CFAP69: variants seen among roughly 807,000 people sequenced by gnomAD.
CFAP69 encodes the protein cilia- and flagella-associated protein 69.
In CFAP69, 92 loss-of-function variants were observed where a neutral mutation model predicts 123.0. The observed-to-expected ratio is 0.75, with a 90% CI of 0.63 to 0.89. The LOEUF (loss-of-function observed/expected upper bound fraction) is 0.89, where lower values mean the gene tolerates loss of function less well. CFAP69 is among the 40% of genes least tolerant of loss of function. CFAP69 has a pLI of 0.00. For missense variants in CFAP69, 1,067 were observed against 1,096.9 expected (o/e 0.97, Z 0.39); for synonymous variants, 380 against 364.3 (o/e 1.04, Z -0.49).
chr7:90,246,759 T>C (rs901976272), intron 1 of CFAP69, among the ~76,000 whole-genome samples: 4 of 151,868 alleles, frequency 2.6e-5, no homozygotes, highest in African/African-American at 9.7e-5. Context: ...GCTCTCAGTC[T>C]TCCTTTACTT....
At chr7:90,304,460 C>T in intron 18 of CFAP69, 1 of 1,220,074 alleles carries the variant, frequency 8.2e-7, no homozygotes. Flanking sequence ...ATCAAACACT[C>T]TTCAGCTTCT....
intron 1 of CFAP69, among the ~76,000 whole-genome samples, chr7:90,248,881 G>T (rs543429754): frequency 6.6e-6 from 1 of 152,088 alleles, no homozygotes; most frequent in Non-Finnish European, 1.5e-5. Context: ...ATCTGTAAAA[G>T]ATATTTTTAG....
Position 90,310,130 on chromosome 7 carries a change from G to A in CFAP69, c.2718G>A (p.Leu906=). 1 of 1,613,928 alleles carries A rather than the reference G, an allele frequency of 6.2e-7. No homozygotes were observed. The highest frequency in any genetic ancestry group is 8.5e-7 in the Non-Finnish European group (1 of 1,179,876). ...CTGCCCGATTAGTAGGAGGACCTCT[G>A]GTTGATACGGATATTGCTCTTAAAA... ...STPARLVGGP[L]VDTDIALKKL... Residue 906 remains leucine (L), a synonymous_variant, in exon 23 of 23, where the codon CTG becomes CTA. Coordinates refer to ENST00000389297, the MANE Select transcript of CFAP69 (RefSeq NM_001039706.3).
intron 16 of CFAP69, among the ~76,000 whole-genome samples, chr7:90,299,080 A>G (rs1167627464): frequency 6.6e-6 from 1 of 152,150 alleles, no homozygotes; most frequent in Non-Finnish European, 1.5e-5. Context: ...CTTTGCAGGT[A>G]ATATTATTAT....
At chr7:90,290,324 C>A (rs1179166604) in intron 15 of CFAP69, among the ~76,000 whole-genome samples, 1 of 152,080 alleles carries the variant, frequency 6.6e-6, no homozygotes, top group Non-Finnish European at 1.5e-5. Context: ...GTTCTGAGTG[C>A]CAATCTGAAA....
Position 90,288,223 on chromosome 7 carries a change from A to T in CFAP69, c.1657-11A>T. On this transcript the variant is annotated splice_polypyrimidine_tract_variant and intron_variant, in intron 14 of 22. Transcript: ENST00000389297. ...TTTCAAGAAATAATTTAAAACAAAT[A>T]TCTTAAACAGGAAATTTTCGGAACT... The T allele has an allele frequency of 6.3e-7, 1 of 1,591,096 alleles. No homozygotes were observed. The highest frequency in any genetic ancestry group is 8.6e-7 in the Non-Finnish European group (1 of 1,161,612).
At chr7:90,289,417 C>A (rs1034204540) in intron 15 of CFAP69, among the ~76,000 whole-genome samples, 1 of 151,814 alleles carries the variant, frequency 6.6e-6, no homozygotes, top group Non-Finnish European at 1.5e-5. Flanking sequence ...AGTTCATTTG[C>A]CATTTAAATA....
In CFAP69 at chr7:90,277,068, AT is replaced by A; in HGVS notation, c.985-3del. The A allele has an allele frequency of 6.4e-7, 1 of 1,550,544 alleles. No individual in the cohort carries two copies. Among genetic ancestry groups the A allele is most frequent in the Non-Finnish European group, 8.7e-7 (1 of 1,145,496 alleles). On this transcript the variant is annotated splice_polypyrimidine_tract_variant and splice_region_variant and intron_variant, in intron 9 of 22. Coordinates refer to ENST00000389297, the MANE Select transcript of CFAP69 (RefSeq NM_001039706.3). ...CTTTCTGCTTATTTTATGTATTTAT[AT>A]TAGGAATGTGGCTTTACCAAGGATT...
chr7:90,255,387 G>C (rs11563436), intron 1 of CFAP69, 36 bp from the exon 2 acceptor site: 126,371 of 1,534,042 alleles, frequency 0.082, 5,702 homozygotes, highest in Middle Eastern at 0.098. Context: ...TGATATAGAA[G>C]ATGATCTAGA....
At position 90,279,786 on chromosome 7, in the gene CFAP69, A is replaced by G. The variant is rs1247006957; in HGVS notation, c.1265A>G (p.His422Arg). 2 of 1,613,296 alleles carry G rather than the reference A, an allele frequency of 1.2e-6. No individual in the cohort carries two copies. The highest frequency in any genetic ancestry group is 1.1e-5 in the South Asian group (1 of 90,906). ...GCACAGCATGAAGAATTACAACTGC[A>G]TGCAATTGCCACTTTGTCATCAGTG... is the stretch of plus-strand genomic sequence containing the variant. ...SAAQHEELQL[H>R]AIATLSSVAP... Residue 422 changes from histidine (H) to arginine (R), a missense_variant, in exon 12 of 23, where the codon CAT becomes CGT. By Grantham distance (29) the His-to-Arg change is conservative. Coordinates refer to ENST00000389297, the MANE Select transcript of CFAP69 (RefSeq NM_001039706.3).
At chr7:90,307,468 GAT>G (rs1214673714) in intron 20 of CFAP69, among the ~76,000 whole-genome samples, 1 of 152,046 alleles carries the variant, frequency 6.6e-6, no homozygotes, top group Non-Finnish European at 1.5e-5. Context: ...TTATCCATAA[GAT>G]ATATTTTTCT....
chr7:90,289,239 T>A (rs1702305979), intron 15 of CFAP69, among the ~76,000 whole-genome samples: 1 of 152,052 alleles, frequency 6.6e-6, no homozygotes, highest in African/African-American at 2.4e-5. Flanking sequence ...TACTAAAAAA[T>A]TTTCCAAAGT....
chr7:90,322,803 G>T, the CFAP69 span, among the ~76,000 whole-genome samples: 1 of 151,798 alleles, frequency 6.6e-6, no homozygotes, highest in Non-Finnish European at 1.5e-5. Context: ...ACATATTTGG[G>T]TATGATTATT....
intron 4 of CFAP69, among the ~76,000 whole-genome samples, chr7:90,264,120 T>A (rs1304360237): frequency 0.14 from 3,468 of 25,468 alleles, 708 homozygotes; most frequent in East Asian, 0.52. Context: ...TATATATATA[T>A]ATATATATAT....
At chr7:90,307,933 A>G in intron 21 of CFAP69, 79 bp downstream of exon 21, 2 of 900,708 alleles carry the variant, frequency 2.2e-6, no homozygotes, top group Non-Finnish European at 3.4e-6. Context: ...ACAAATATTC[A>G]TTCATTTTTT....
chr7:90,277,423 C>T (rs28947506), intron 11 of CFAP69, 89 bp downstream of exon 11: 32 of 1,117,968 alleles, frequency 2.9e-5, no homozygotes, highest in African/African-American at 9.7e-5. Flanking sequence ...AATATTTTAT[C>T]GGTTCATATA....
intron 1 of CFAP69, among the ~76,000 whole-genome samples, chr7:90,249,183 C>A (rs2116523601): frequency 6.6e-6 from 1 of 152,272 alleles, no homozygotes; most frequent in East Asian, 1.9e-4. Context: ...TTCCCCCATG[C>A]TGTTCTCATG....
intron 1 of CFAP69, among the ~76,000 whole-genome samples, chr7:90,247,036 T>C (rs2116486153): frequency 6.6e-6 from 1 of 152,326 alleles, no homozygotes; most frequent in South Asian, 2.1e-4. Flanking sequence ...TCTGACTTGT[T>C]AATTACTAAT....
At position 90,258,112 on chromosome 7, in the gene CFAP69, A is replaced by T; in HGVS notation, c.195A>T (p.Glu65Asp). 1 of 1,611,768 alleles carries T rather than the reference A, an allele frequency of 6.2e-7. No individual in the cohort carries two copies. The highest frequency in any genetic ancestry group is 1.1e-5 in the South Asian group (1 of 90,734). The part of the protein sequence containing the change: ...LEETDKDGLE[E>D]KQLKFVKKLV... ...ATCTGTTTTAGGATGGCTTGGAAGAAAAACAACTTAAATTTGTCAAGAAAC... is the reference window on the plus strand; with the variant it reads ...ATCTGTTTTAGGATGGCTTGGAAGATAAACAACTTAAATTTGTCAAGAAAC... The change falls in exon 3 of 23, where the codon GAA becomes GAT. Residue 65 changes from glutamate (E) to aspartate (D), a missense_variant. Physicochemically the swap from Glu to Asp is conservative, Grantham distance 45. Coordinates refer to ENST00000389297, the MANE Select transcript of CFAP69 (RefSeq NM_001039706.3).
Sources: allele counts gnomAD v4.1 joint callset (sites outside exome capture counted in the v4.1 genomes callset), GRCh38; gene constraint gnomAD v4.1.1; transcripts MANE v1.5; gene names NCBI Gene and HGNC (gene_info 2026-07-23, HGNC 2026-07-21).